Variants in ANOS1 observed in about 807,000 individuals in gnomAD.
ANOS1 encodes anosmin-1.
A neutral mutation model predicts 59.0 loss-of-function variants in ANOS1; 6 were observed. The observed-to-expected ratio is 0.10, with a 90% confidence interval of 0.06 to 0.20. The LOEUF (loss-of-function observed/expected upper bound fraction) is 0.20. Ranked by LOEUF, ANOS1 falls within the 10% of genes least tolerant of loss-of-function variation. The pLI is 1.00. For missense variants in ANOS1, 433 were observed against 542.3 expected (o/e 0.80, Z 2.00); for synonymous variants, 217 against 223.4 (o/e 0.97, Z 0.25).
chrX:8,668,801 G>C (rs1269193240), intron 2 of ANOS1, among the ~76,000 whole-genome samples: 1 of 110,237 alleles, frequency 9.1e-6, no homozygotes, highest in Non-Finnish European at 1.9e-5. Context: ...CCCAAGAGAG[G>C]CAAATCAACC....
intron 1 of ANOS1, among the ~76,000 whole-genome samples, chrX:8,701,999 C>T (rs187247331): frequency 8.9e-6 from 1 of 111,861 alleles, no homozygotes; most frequent in Non-Finnish European, 1.9e-5. Context: ...AATTCCTACA[C>T]ATTCTTAGGA....
chrX:8,686,429 T>C (rs1326121395), intron 2 of ANOS1, among the ~76,000 whole-genome samples: 2 of 111,951 alleles, frequency 1.8e-5, no homozygotes, highest in Non-Finnish European at 3.8e-5. Context: ...AAAGGGAAAT[T>C]AAAATGGGGA....
intron 2 of ANOS1, among the ~76,000 whole-genome samples, chrX:8,674,069 A>G (rs1341978062): frequency 8.9e-6 from 1 of 112,125 alleles, no homozygotes. Flanking sequence ...CCAGCTCCCA[A>G]GAAGGGCCTT....
At chrX:8,691,510 TGGATGGATGGATGGATGGAC>T (rs779462486) in intron 2 of ANOS1, among the ~76,000 whole-genome samples, 1 of 111,076 alleles carries the variant, frequency 9.0e-6, no homozygotes, top group Non-Finnish European at 1.9e-5. Flanking sequence ...GATGGATGGA[TGGATGGATGGATGGATGGAC>T]GGATGGATGG....
At chrX:8,570,819 A>G in intron 6 of ANOS1, 115 bp from the exon 7 acceptor site, 1 of 712,402 alleles carries the variant, frequency 1.4e-6, no homozygotes. Flanking sequence ...AGAAAAGCTG[A>G]AAACGGGGGT....
At chrX:8,547,101 C>G (rs773565527) in intron 9 of ANOS1, among the ~76,000 whole-genome samples, 1 of 111,728 alleles carries the variant, frequency 9.0e-6, no homozygotes. Flanking sequence ...TGAAATTAAC[C>G]GACGTGCTCT....
rs1930219291 is a variant in ANOS1 at position 8,570,849 on chromosome X, T to A, written c.857-145A>T. ...GGGGGTGGAGGGGCATGGTGGCTCA[T>A]GTCTGCAATCCCAGCACTTTGCAAG... On this transcript the variant is annotated intron_variant, in intron 6 of 13. Transcript: ENST00000262648. The A allele has an allele frequency of 1.6e-5, 9 of 550,804 alleles. No individual in the cohort carries two copies. In the Admixed American group the frequency reaches 2.2e-4, roughly 13 times the overall value. The allele number at this position is 550,804 out of a possible 1,213,427, so 45.4% of individuals were successfully genotyped here.
intron 2 of ANOS1, among the ~76,000 whole-genome samples, chrX:8,692,986 C>T (rs1932629160): frequency 1.8e-5 from 2 of 112,086 alleles, no homozygotes; most frequent in East Asian, 5.6e-4. Flanking sequence ...TCCTCCTCTA[C>T]CAGAAAAAGC....
At chrX:8,664,478 C>A (rs1932100117) in intron 2 of ANOS1, among the ~76,000 whole-genome samples, 3 of 110,564 alleles carry the variant, frequency 2.7e-5, no homozygotes, top group Admixed American at 9.6e-5. Context: ...CAGGTGTGAG[C>A]CACCGCCCCC....
chrX:8,535,445 C>T lies in ANOS1; in HGVS notation c.1842+146G>A, dbSNP rs545869134. On this transcript the variant is annotated intron_variant, in intron 12 of 13. Transcript: ENST00000262648. Reference sequence around the variant, plus strand: ...CACATTTGTGATGTGTTAATGCTTGCAAAAGATACACTCAGAAGAAGAAAA... The same window carrying T: ...CACATTTGTGATGTGTTAATGCTTGTAAAAGATACACTCAGAAGAAGAAAA... The T allele has an allele frequency of 6.7e-4, 333 of 497,313 alleles. No individual in the cohort carries two copies. In the South Asian group the frequency reaches 9.3e-3, roughly 14 times the overall value. 41.0% of individuals were successfully genotyped at this position (497,313 alleles called of 1,213,427 possible).
At chrX:8,542,278 C>T (rs778329751) in intron 9 of ANOS1, among the ~76,000 whole-genome samples, 33 of 111,856 alleles carry the variant, frequency 3.0e-4, no homozygotes, top group Admixed American at 2.9e-3. Context: ...GCTGTAGCTA[C>T]CATGTTGATT....
intron 2 of ANOS1, among the ~76,000 whole-genome samples, chrX:8,671,142 C>T (rs1299888552): frequency 9.0e-6 from 1 of 111,723 alleles, no homozygotes; most frequent in Non-Finnish European, 1.9e-5. Flanking sequence ...CTCTGGCTTC[C>T]ATCACTGCAC....
intron 1 of ANOS1, among the ~76,000 whole-genome samples, chrX:8,714,839 TTA>T (rs1163934063): frequency 8.9e-6 from 1 of 112,365 alleles, no homozygotes; most frequent in Non-Finnish European, 1.9e-5. Flanking sequence ...TTATGCTAAT[TTA>T]TGTTATTCAT....
intron 3 of ANOS1, among the ~76,000 whole-genome samples, chrX:8,617,996 A>G (rs1268190000): frequency 9.0e-6 from 1 of 110,972 alleles, no homozygotes; most frequent in Admixed American, 9.6e-5. Context: ...ATACAGCAGG[A>G]AAGAAATGTA....
chrX:8,663,917 G>A (rs777236417), intron 2 of ANOS1, among the ~76,000 whole-genome samples: 1 of 111,536 alleles, frequency 9.0e-6, no homozygotes, highest in Non-Finnish European at 1.9e-5. Context: ...GGACGTGGGT[G>A]GAGCTGGGAG....
chrX:8,623,030 TGATGGATG>T (rs34949507), intron 3 of ANOS1, among the ~76,000 whole-genome samples: 121 of 102,433 alleles, frequency 1.2e-3, no homozygotes, highest in African/African-American at 3.7e-3. Context: ...GATGGATGGA[TGATGGATG>T]GATGGATGGA....
At chrX:8,591,759 A>T (rs1010172315) in intron 4 of ANOS1, among the ~76,000 whole-genome samples, 5 of 112,471 alleles carry the variant, frequency 4.4e-5, no homozygotes, top group African/African-American at 1.6e-4. Context: ...CAAGACCTCC[A>T]GCCCTCACTG....
chrX:8,601,197 A>G (rs1391413077), intron 3 of ANOS1, among the ~76,000 whole-genome samples: 1 of 104,263 alleles, frequency 9.6e-6, no homozygotes. Context: ...TTGTCTCAAA[A>G]AAAAAAAAAA....
intron 2 of ANOS1, among the ~76,000 whole-genome samples, chrX:8,668,894 A>T (rs1021201132): frequency 9.0e-6 from 1 of 111,509 alleles, no homozygotes; most frequent in African/African-American, 3.3e-5. Context: ...GTTTGGGATG[A>T]GAAAGGGGAG....
Sources: allele counts gnomAD v4.1 joint callset (sites outside exome capture counted in the v4.1 genomes callset), GRCh38; gene constraint gnomAD v4.1.1; transcripts MANE v1.5; gene names NCBI Gene and HGNC (gene_info 2026-07-23, HGNC 2026-07-21).